Variants in ZSWIM5 observed in about 807,000 individuals in gnomAD.
The protein encoded by ZSWIM5 is zinc finger SWIM-type containing 5, also known as zinc finger SWIM domain-containing protein 5.
ZSWIM5 carries 55 observed loss-of-function variants against 119.6 expected under a neutral mutation model. That is an observed-to-expected ratio of 0.46 (90% CI 0.37 to 0.58). The LOEUF is 0.58. ZSWIM5 is among the 20% of genes least tolerant of loss of function. The pLI is 0.00. For synonymous variants in ZSWIM5, 537 were observed against 606.9 expected, an observed-to-expected ratio of 0.88 and a Z score of 1.69; for missense variants, 1,193 against 1,512.8, an observed-to-expected ratio of 0.79 and a Z score of 3.51.
chr1:45,166,162 C>A (rs1645901473), intron 1 of ZSWIM5, among the ~76,000 whole-genome samples: 2 of 152,218 alleles, frequency 1.3e-5, no homozygotes, highest in African/African-American at 4.8e-5. Flanking sequence ...GCTGGTTCAA[C>A]ATATGCAAAT....
At chr1:45,060,525 A>G (rs1237478924) in intron 2 of ZSWIM5, among the ~76,000 whole-genome samples, 1 of 152,358 alleles carries the variant, frequency 6.6e-6, no homozygotes, top group Non-Finnish European at 1.5e-5. Flanking sequence ...AAAAAAGGTT[A>G]GAAGAGATAT....
intron 1 of ZSWIM5, among the ~76,000 whole-genome samples, chr1:45,096,548 ACACACG>A (rs889616919): frequency 0.02 from 2,996 of 151,328 alleles, 110 homozygotes; most frequent in African/African-American, 0.069. Flanking sequence ...ACACACACAC[ACACACG>A]CACACACACA....
intron 1 of ZSWIM5, among the ~76,000 whole-genome samples, chr1:45,133,063 A>G (rs1276496800): frequency 6.6e-6 from 1 of 152,202 alleles, no homozygotes; most frequent in Non-Finnish European, 1.5e-5. Flanking sequence ...GAATAGTGCC[A>G]CAATAAACAT....
At chr1:45,156,420 T>G (rs1367946283) in intron 1 of ZSWIM5, among the ~76,000 whole-genome samples, 1 of 150,580 alleles carries the variant, frequency 6.6e-6, no homozygotes, top group East Asian at 2.0e-4. Context: ...AGTCTACATA[T>G]GTACCCCTGA....
At chr1:45,145,268 A>G (rs1235804132) in intron 1 of ZSWIM5, among the ~76,000 whole-genome samples, 1 of 151,940 alleles carries the variant, frequency 6.6e-6, no homozygotes, top group Non-Finnish European at 1.5e-5. Flanking sequence ...CTTAAGTTAA[A>G]TATACACTTA....
intron 1 of ZSWIM5, among the ~76,000 whole-genome samples, chr1:45,154,505 C>T (rs934732511): frequency 1.3e-5 from 2 of 152,152 alleles, no homozygotes; most frequent in Non-Finnish European, 2.9e-5. Context: ...GGACACCCTA[C>T]TCAACAAATG....
At chr1:45,095,568 T>C (rs1219793826) in intron 1 of ZSWIM5, among the ~76,000 whole-genome samples, 1 of 152,198 alleles carries the variant, frequency 6.6e-6, no homozygotes, top group African/African-American at 2.4e-5. Context: ...TAATGTGAGT[T>C]CTAGAGACTT....
At chr1:45,167,156 G>A (rs1158667051) in intron 1 of ZSWIM5, among the ~76,000 whole-genome samples, 3 of 151,664 alleles carry the variant, frequency 2.0e-5, no homozygotes, top group African/African-American at 4.8e-5. Flanking sequence ...CAGAGCCCTC[G>A]GAAATAATAC....
intron 1 of ZSWIM5, among the ~76,000 whole-genome samples, chr1:45,145,956 G>A (rs1312649952): frequency 2.0e-5 from 3 of 152,240 alleles, no homozygotes; most frequent in African/African-American, 7.2e-5. Flanking sequence ...AATGAATCAA[G>A]GATGACAGTG....
At chr1:45,026,585 G>A (rs1344812959) in intron 11 of ZSWIM5, among the ~76,000 whole-genome samples, 2 of 151,960 alleles carry the variant, frequency 1.3e-5, no homozygotes, top group African/African-American at 2.4e-5. Context: ...TCCTACTTGT[G>A]GTTCATTCTT....
Position 45,175,581 on chromosome 1 carries a change from G to T in ZSWIM5, c.595+30175C>A, listed in dbSNP as rs561537577. On this transcript the variant is annotated intron_variant, in intron 1 of 13. Transcript: ENST00000359600. ...CCTCCCACCTCAGCCTCCTAAAGTAGCTGAGACCACAGGCATGCACCACCA... is the reference window on the plus strand; with the variant it reads ...CCTCCCACCTCAGCCTCCTAAAGTATCTGAGACCACAGGCATGCACCACCA... Among the ~76,000 whole-genome samples the T allele has an allele frequency of 3.9e-5, 6 of 152,000 alleles. No homozygotes were observed. The East Asian group carries it at 1.2e-3, about 29-fold the overall frequency.
chr1:45,103,839 A>C (rs1645454332), intron 1 of ZSWIM5, among the ~76,000 whole-genome samples: 1 of 152,178 alleles, frequency 6.6e-6, no homozygotes, highest in Non-Finnish European at 1.5e-5. Context: ...TGTTTTTCTG[A>C]GTGCAAGAAA....
At chr1:45,028,524 G>A (rs1270692969) in intron 11 of ZSWIM5, among the ~76,000 whole-genome samples, 2 of 152,086 alleles carry the variant, frequency 1.3e-5, no homozygotes, top group African/African-American at 4.8e-5. Context: ...GGGAGGCTGA[G>A]GTGAGTCGAT....
chr1:45,175,764 A>C (rs1447720768), intron 1 of ZSWIM5, among the ~76,000 whole-genome samples: 1 of 151,842 alleles, frequency 6.6e-6, no homozygotes, highest in Non-Finnish European at 1.5e-5. Context: ...TAAAAAAAAA[A>C]AACCATTGAC....
At chr1:45,171,429 C>G (rs147214948) in intron 1 of ZSWIM5, among the ~76,000 whole-genome samples, 4 of 152,018 alleles carry the variant, frequency 2.6e-5, no homozygotes, top group Non-Finnish European at 4.4e-5. Flanking sequence ...TTTGAATTAC[C>G]TACAGTGGTA....
chr1:45,058,528 C>T lies in ZSWIM5; in HGVS notation c.1252+81G>A, dbSNP rs138770248. 105 of 1,560,190 alleles carry T rather than the reference C, an allele frequency of 6.7e-5. 4 individuals are homozygous for T. The African/African-American group carries it at 6.9e-4, about 10-fold the overall frequency. On this transcript the variant is annotated intron_variant, in intron 4 of 13. Coordinates refer to ENST00000359600, the MANE Select transcript of ZSWIM5 (RefSeq NM_020883.2). ...GGACTTAGCAAGATCCATGCAACGA[C>T]TGATGGCAAGGGCTCATAAACACTG... is the stretch of plus-strand genomic sequence containing the variant.
At chr1:45,073,126 A>G (rs1376977757) in intron 2 of ZSWIM5, among the ~76,000 whole-genome samples, 2 of 151,572 alleles carry the variant, frequency 1.3e-5, no homozygotes, top group Non-Finnish European at 2.9e-5. Flanking sequence ...TTCATTATAG[A>G]GATCTTTCAC....
chr1:45,161,758 A>G (rs1422841027), intron 1 of ZSWIM5, among the ~76,000 whole-genome samples: 2 of 152,242 alleles, frequency 1.3e-5, no homozygotes, highest in Non-Finnish European at 1.5e-5. Context: ...CATCAAGTCA[A>G]TAAGGGTTAC....
At chr1:45,204,002 T>C (rs540492409) in intron 1 of ZSWIM5, among the ~76,000 whole-genome samples, 1 of 152,250 alleles carries the variant, frequency 6.6e-6, no homozygotes, top group South Asian at 2.1e-4. Context: ...AGAGAGCCTA[T>C]AACTCCAGAA....
Sources: allele counts gnomAD v4.1 joint callset (sites outside exome capture counted in the v4.1 genomes callset), GRCh38; gene constraint gnomAD v4.1.1; transcripts MANE v1.5; gene names NCBI Gene and HGNC (gene_info 2026-07-23, HGNC 2026-07-21).